The following DCLK1 variants were observed in gnomAD, a reference collection of about 807,000 sequenced individuals.
DCLK1 encodes the protein doublecortin like kinase 1.
A neutral mutation model predicts 86.2 loss-of-function variants in DCLK1; 16 were observed. The observed-to-expected ratio is 0.19, with a 90% CI of 0.13 to 0.28. DCLK1 has a LOEUF of 0.28. Ranked by LOEUF, DCLK1 falls within the 10% of genes least tolerant of loss-of-function variation. DCLK1 has a pLI of 1.00. For missense variants in DCLK1, 590 were observed against 940.2 expected (o/e 0.63, Z 4.87); for synonymous variants, 369 against 370.5 (o/e 1.00, Z 0.05).
chr13:35,774,557 C>T lies in DCLK1; in HGVS notation c.2201G>A (p.Arg734His). The T allele has an allele frequency of 1.9e-6, 3 of 1,556,142 alleles. No individual in the cohort carries two copies. Among genetic ancestry groups the T allele is most frequent in the Non-Finnish European group, 2.6e-6 (3 of 1,149,022 alleles). ...TTATTAAAAGGGCGAGTTAGGGGAG[C>T]GAACAGTCTCGGAGGAGCTTGGGGA... ...DYSPSSSETVRSPNSPF is the reference protein window; with the variant it reads ...DYSPSSSETVHSPNSPF The change falls in exon 17 of 17, where the codon CGC (arginine) becomes CAC (histidine). Residue 734 changes from arginine to histidine, a missense_variant. Coordinates refer to ENST00000360631, the MANE Select transcript of DCLK1 (RefSeq NM_001330071.2).
At chr13:35,944,734 C>T (rs1008241623) in intron 4 of DCLK1, among the ~76,000 whole-genome samples, 3 of 151,970 alleles carry the variant, frequency 2.0e-5, no homozygotes, top group African/African-American at 7.3e-5. Flanking sequence ...ATTATTCATC[C>T]AGGGAAGGGA....
intron 3 of DCLK1, among the ~76,000 whole-genome samples, chr13:35,978,695 T>C (rs1879481045): frequency 6.6e-6 from 1 of 152,128 alleles, no homozygotes; most frequent in South Asian, 2.1e-4. Flanking sequence ...AATATCACAA[T>C]TCGCCACTTG....
At chr13:36,073,040 T>C (rs138382659) in intron 3 of DCLK1, among the ~76,000 whole-genome samples, 3 of 152,344 alleles carry the variant, frequency 2.0e-5, no homozygotes, top group African/African-American at 4.8e-5. Context: ...CAAAGTTTAA[T>C]TCTCTACTGT....
intron 16 of DCLK1, among the ~76,000 whole-genome samples, chr13:35,780,832 C>T (rs967436887): frequency 6.6e-6 from 1 of 152,198 alleles, no homozygotes; most frequent in African/African-American, 2.4e-5. Context: ...CATGTGGTAG[C>T]TGAAAATCTT....
chr13:36,006,097 G>A (rs892553431), intron 3 of DCLK1, among the ~76,000 whole-genome samples: 2 of 152,062 alleles, frequency 1.3e-5, no homozygotes, highest in East Asian at 1.9e-4. Flanking sequence ...ACGGGTTGAT[G>A]GGTGCAGCAA....
At chr13:35,972,372 C>T (rs971405960) in intron 3 of DCLK1, among the ~76,000 whole-genome samples, 2 of 152,066 alleles carry the variant, frequency 1.3e-5, no homozygotes, top group African/African-American at 4.8e-5. Context: ...GACATGAGAT[C>T]TTGACTGCTT....
chr13:36,075,751 TCA>T (rs1491349001), intron 3 of DCLK1, among the ~76,000 whole-genome samples: 2 of 152,186 alleles, frequency 1.3e-5, no homozygotes, highest in Non-Finnish European at 2.9e-5. Flanking sequence ...GCATGGTGGC[TCA>T]CGCCTGTAAA....
At chr13:35,851,139 A>G (rs182147527) in intron 6 of DCLK1, among the ~76,000 whole-genome samples, 1 of 152,240 alleles carries the variant, frequency 6.6e-6, no homozygotes, top group East Asian at 1.9e-4. Context: ...GAACGTGCTT[A>G]CCTCACAATA....
intron 5 of DCLK1, chr13:35,855,851 C>G: frequency 8.6e-7 from 1 of 1,165,870 alleles, no homozygotes; most frequent in Non-Finnish European, 1.1e-6. Context: ...TGCACTGAAT[C>G]ATAATGAAGT....
At chr13:36,017,501 C>T (rs1184867820) in intron 3 of DCLK1, among the ~76,000 whole-genome samples, 4 of 152,158 alleles carry the variant, frequency 2.6e-5, no homozygotes, top group Non-Finnish European at 5.9e-5. Flanking sequence ...AAACGTATGA[C>T]TCGATAGCTA....
At chr13:35,845,344 A>G (rs1393366612) in intron 6 of DCLK1, among the ~76,000 whole-genome samples, 1 of 152,118 alleles carries the variant, frequency 6.6e-6, no homozygotes, top group Non-Finnish European at 1.5e-5. Context: ...ATATATTATG[A>G]TTTTTGTTCT....
chr13:35,876,666 AC>A lies in DCLK1; in HGVS notation c.824-5327del, dbSNP rs532695801. 2.7e-3 allele frequency among the ~76,000 whole-genome samples: 404 copies of A among 152,282 alleles called. 3 individuals are homozygous for A. Among genetic ancestry groups the A allele is most frequent in the African/African-American group, 9.2e-3 (381 of 41,546 alleles). ...ACCTAAATGGCCAGTAATGTAGAAAACCTTTTTGTTGACACAAAGGACATTT... is the reference window on the plus strand; with the variant it reads ...ACCTAAATGGCCAGTAATGTAGAAAACTTTTTGTTGACACAAAGGACATTT... On this transcript the variant is annotated intron_variant, in intron 4 of 16. Coordinates refer to ENST00000360631, the MANE Select transcript of DCLK1 (RefSeq NM_001330071.2).
At chr13:35,964,495 C>G (rs917203207) in intron 3 of DCLK1, among the ~76,000 whole-genome samples, 4 of 152,204 alleles carry the variant, frequency 2.6e-5, no homozygotes, top group Non-Finnish European at 4.4e-5. Flanking sequence ...ACCTAAAATT[C>G]TGCCTTCAGG....
intron 11 of DCLK1, among the ~76,000 whole-genome samples, chr13:35,821,760 C>A (rs2087400251): frequency 6.6e-6 from 1 of 151,418 alleles, no homozygotes; most frequent in South Asian, 2.1e-4. Flanking sequence ...ATTTATATTA[C>A]TCCCATATTT....
intron 10 of DCLK1, among the ~76,000 whole-genome samples, chr13:35,823,221 C>T (rs1007840611): frequency 6.6e-6 from 1 of 152,122 alleles, no homozygotes; most frequent in African/African-American, 2.4e-5. Flanking sequence ...ATCCCAGTGG[C>T]ATGTGCTACC....
intron 3 of DCLK1, among the ~76,000 whole-genome samples, chr13:35,959,616 A>T (rs1878344316): frequency 6.6e-6 from 1 of 152,140 alleles, no homozygotes; most frequent in Non-Finnish European, 1.5e-5. Context: ...TCCAAATGAG[A>T]CATGTCCATG....
intron 3 of DCLK1, among the ~76,000 whole-genome samples, chr13:36,045,195 C>T (rs1882835958): frequency 6.8e-6 from 1 of 148,080 alleles, no homozygotes; most frequent in African/African-American, 2.5e-5. Flanking sequence ...AACATTTTAC[C>T]ATAGTCACCT....
intron 3 of DCLK1, among the ~76,000 whole-genome samples, chr13:35,999,482 T>A (rs1349534975): frequency 6.6e-6 from 1 of 152,134 alleles, no homozygotes; most frequent in African/African-American, 2.4e-5. Flanking sequence ...TCTCTCTTTT[T>A]GTCTCTCTTC....
intron 4 of DCLK1, among the ~76,000 whole-genome samples, chr13:35,934,723 G>T (rs1377028574): frequency 6.6e-6 from 1 of 152,106 alleles, no homozygotes; most frequent in Non-Finnish European, 1.5e-5. Context: ...GTATGTCTGT[G>T]TGTGTGTCTG....
Sources: allele counts gnomAD v4.1 joint callset (sites outside exome capture counted in the v4.1 genomes callset), GRCh38; gene constraint gnomAD v4.1.1; transcripts MANE v1.5; gene names NCBI Gene and HGNC (gene_info 2026-07-23, HGNC 2026-07-21).